The following COBL variants were observed in gnomAD, a reference collection of about 807,000 sequenced individuals.
COBL encodes protein cordon-bleu.
In COBL, 51 loss-of-function variants were observed where a neutral mutation model predicts 98.8. The ratio of observed to expected loss-of-function variants is 0.52; its 90% CI spans 0.41 to 0.65. The LOEUF (loss-of-function observed/expected upper bound fraction) is 0.65, where lower values mean the gene tolerates loss of function less well. COBL is among the 30% of genes least tolerant of loss of function. The pLI, the probability that COBL is intolerant of heterozygous loss-of-function variation, is 0.00. For synonymous variants in COBL, 634 were observed against 651.7 expected (o/e 0.97, Z 0.41); for missense variants, 1,617 against 1,617.5 (o/e 1.00, Z 0.01).
In COBL at chr7:51,027,962, C is replaced by T. The variant is rs199919808; in HGVS notation, c.3134G>A (p.Gly1045Asp). The T allele has an allele frequency of 5.1e-5, 82 of 1,609,512 alleles. No individual in the cohort carries two copies. In the East Asian group the frequency reaches 1.5e-3, roughly 30 times the overall value. Residue 1045 changes from glycine (G) to aspartate (D), a missense_variant, in exon 10 of 13, where the codon GGC (glycine) becomes GAC (aspartate). Gly to Asp is a moderately conservative substitution (Grantham distance 94). Coordinates refer to ENST00000265136, the MANE Select transcript of COBL (RefSeq NM_015198.5). Reference protein sequence around the residue: ...ELVNGSVRAPGHGEPSHPPGG... With the variant: ...ELVNGSVRAPDHGEPSHPPGG... ...TGGAGGGTGGGAAGGCTCGCCGTGG[C>T]CTGGGGCGCGCACAGAGCCATTGAC...
intron 1 of COBL, among the ~76,000 whole-genome samples, chr7:51,271,680 G>T (rs1391115990): frequency 1.3e-5 from 2 of 152,206 alleles, no homozygotes; most frequent in African/African-American, 4.8e-5. Flanking sequence ...TCAGTTTCAG[G>T]ATTCTGCACT....
chr7:51,044,376 C>T (rs1012336229), intron 7 of COBL, among the ~76,000 whole-genome samples: 7 of 152,188 alleles, frequency 4.6e-5, no homozygotes, highest in South Asian at 2.1e-4. Context: ...GGCTATTCTG[C>T]GCAACTACCT....
intron 6 of COBL, among the ~76,000 whole-genome samples, chr7:51,128,918 C>G (rs1403803591): frequency 6.6e-6 from 1 of 152,216 alleles, no homozygotes. Flanking sequence ...TGTCCCTGCC[C>G]GACCTCGCAC....
chr7:51,029,629 C>G, intron 9 of COBL, 38 bp from the exon 10 acceptor site: 1 of 1,520,636 alleles, frequency 6.6e-7, no homozygotes, highest in Non-Finnish European at 8.9e-7. Context: ...AGATGTTTCC[C>G]ACACCAATTA....
intron 7 of COBL, among the ~76,000 whole-genome samples, chr7:51,077,764 G>A: frequency 6.6e-6 from 1 of 152,204 alleles, no homozygotes; most frequent in East Asian, 1.9e-4. Flanking sequence ...ATTTCTAATA[G>A]TTCCTCTGCT....
At chr7:51,041,987 C>T (rs951709219) in intron 8 of COBL, among the ~76,000 whole-genome samples, 2 of 152,082 alleles carry the variant, frequency 1.3e-5, no homozygotes, top group Non-Finnish European at 2.9e-5. Context: ...AACAGAACAA[C>T]GTGCACATGG....
chr7:51,215,355 G>A (rs1038406277), intron 2 of COBL, among the ~76,000 whole-genome samples: 1 of 152,176 alleles, frequency 6.6e-6, no homozygotes, highest in Non-Finnish European at 1.5e-5. Context: ...AAATCACAGT[G>A]GGCTTTTTGG....
chr7:51,148,246 A>AC (rs1408979020), intron 5 of COBL, among the ~76,000 whole-genome samples: 1 of 152,098 alleles, frequency 6.6e-6, no homozygotes, highest in African/African-American at 2.4e-5. Context: ...AGCCAGAGTG[A>AC]CTGGGGGGTG....
At chr7:51,107,438 A>T (rs764866511) in intron 6 of COBL, among the ~76,000 whole-genome samples, 1 of 152,048 alleles carries the variant, frequency 6.6e-6, no homozygotes, top group Non-Finnish European at 1.5e-5. Flanking sequence ...ATATTTTCCA[A>T]TATGTATATC....
intron 12 of COBL, among the ~76,000 whole-genome samples, chr7:51,023,443 G>T (rs1266269461): frequency 1.3e-5 from 2 of 152,194 alleles, no homozygotes; most frequent in Admixed American, 1.3e-4. Context: ...TTTGCTGGCT[G>T]ATGTCTCAGG....
At position 51,262,041 on chromosome 7, in the gene COBL, G is replaced by A. The variant is rs928699111; in HGVS notation, c.42-42097C>T. 7.9e-5 allele frequency among the ~76,000 whole-genome samples: 12 copies of A among 152,208 alleles called. 1 individual carries two copies. Among genetic ancestry groups the A allele is most frequent in the African/African-American group, 2.9e-4 (12 of 41,456 alleles). On this transcript the variant is annotated intron_variant, in intron 1 of 12. Transcript: ENST00000265136. Reference sequence around the variant, plus strand: ...CAAGTCCAAAGCTGCCAGGAGAGGGGTTGGGATGGAGCTGGAGAGGGGTGG... The same window carrying A: ...CAAGTCCAAAGCTGCCAGGAGAGGGATTGGGATGGAGCTGGAGAGGGGTGG...
At chr7:51,055,006 G>A (rs1790598373) in intron 7 of COBL, among the ~76,000 whole-genome samples, 1 of 152,192 alleles carries the variant, frequency 6.6e-6, no homozygotes, top group Non-Finnish European at 1.5e-5. Flanking sequence ...CAGATGGGGA[G>A]CCAGGAGACA....
chr7:51,040,207 A>C (rs1421085148), intron 8 of COBL, among the ~76,000 whole-genome samples: 3 of 148,634 alleles, frequency 2.0e-5, no homozygotes, highest in East Asian at 2.0e-4. Flanking sequence ...AAAAAAAAAA[A>C]ACCTCAAAAT....
intron 7 of COBL, among the ~76,000 whole-genome samples, chr7:51,077,935 C>T (rs1488491835): frequency 4.6e-5 from 7 of 152,184 alleles, no homozygotes; most frequent in African/African-American, 1.7e-4. Context: ...TGCTCTTCAA[C>T]AGTGATTCAC....
intron 6 of COBL, among the ~76,000 whole-genome samples, chr7:51,108,344 C>CG (rs1344545651): frequency 6.6e-6 from 1 of 152,146 alleles, no homozygotes. Flanking sequence ...CAGTGGCACT[C>CG]GGTGTGAATA....
At chr7:51,270,812 T>C (rs950955319) in intron 1 of COBL, among the ~76,000 whole-genome samples, 2 of 151,606 alleles carry the variant, frequency 1.3e-5, no homozygotes, top group Admixed American at 6.6e-5. Flanking sequence ...ATACATTTTA[T>C]TATTCGACTT....
At chr7:51,211,012 C>A (rs1792370009) in intron 2 of COBL, among the ~76,000 whole-genome samples, 1 of 152,186 alleles carries the variant, frequency 6.6e-6, no homozygotes, top group Non-Finnish European at 1.5e-5. Flanking sequence ...TCATCAGATC[C>A]CAACCTGCCT....
Position 51,043,436 on chromosome 7 carries a change from AC to A in COBL, c.1352del (p.Gly451ValfsTer18). ...DQDLAGTPDL[G>X]PQKSPLWEKN... ...TCTCCCACAAGGGGCTCTTCTGGGG[AC>A]CCAGGTCTGGGGTTCCAGCGAGGTC... On this transcript the variant is annotated frameshift_variant, in exon 8 of 13. Coordinates refer to ENST00000265136, the MANE Select transcript of COBL (RefSeq NM_015198.5). LOFTEE classifies it high-confidence loss of function. The A allele has an allele frequency of 1.9e-6, 3 of 1,614,156 alleles. No homozygotes were observed. The highest frequency in any genetic ancestry group is 2.5e-6 in the Non-Finnish European group (3 of 1,180,024).
intron 7 of COBL, among the ~76,000 whole-genome samples, chr7:51,052,589 T>C (rs1790349477): frequency 6.6e-6 from 1 of 152,200 alleles, no homozygotes; most frequent in South Asian, 2.1e-4. Flanking sequence ...ATTGTCAAAA[T>C]AGAAACTCTG....
Sources: gnomAD v4.1 joint callset for allele counts (sites outside exome capture counted in the v4.1 genomes callset) on GRCh38, gnomAD v4.1.1 for gene constraint, MANE v1.5 for transcripts, NCBI Gene and HGNC (gene_info 2026-07-23, HGNC 2026-07-21) for gene names.